Variants in PIP5K1C observed in about 807,000 individuals in gnomAD.
The protein encoded by PIP5K1C is phosphatidylinositol-4-phosphate 5-kinase type 1 gamma, also known as phosphatidylinositol 4-phosphate 5-kinase type-1 gamma.
PIP5K1C carries 45 observed loss-of-function variants against 80.1 expected under a neutral mutation model. The observed-to-expected ratio is 0.56, with a 90% CI of 0.44 to 0.72. The LOEUF is 0.72. PIP5K1C is among the 30% of genes least tolerant of loss of function. The pLI, the probability that PIP5K1C is intolerant of heterozygous loss-of-function variation, is 0.00. For synonymous variants in PIP5K1C, 498 were observed against 420.1 expected (o/e 1.19, Z -2.27); for missense variants, 753 against 954.6 (o/e 0.79, Z 2.78).
At chr19:3,684,968 A>C (rs1383274763) in intron 1 of PIP5K1C, among the ~76,000 whole-genome samples, 1 of 152,154 alleles carries the variant, frequency 6.6e-6, no homozygotes, top group African/African-American at 2.4e-5. Flanking sequence ...GGGTCTCTTA[A>C]TTTGCAACTT....
chr19:3,651,527 G>T (rs2034449098), intron 8 of PIP5K1C, among the ~76,000 whole-genome samples: 1 of 152,216 alleles, frequency 6.6e-6, no homozygotes, highest in African/African-American at 2.4e-5. Flanking sequence ...GTGCCACCGG[G>T]AAACGCTATC....
chr19:3,643,172 CAT>C (rs2034049842), intron 13 of PIP5K1C, 69 bp downstream of exon 13: 3 of 1,602,818 alleles, frequency 1.9e-6, no homozygotes, highest in Non-Finnish European at 2.5e-6. Flanking sequence ...GCCCCGCCCA[CAT>C]GCAGTGAATG....
intron 1 of PIP5K1C, among the ~76,000 whole-genome samples, chr19:3,693,698 C>T (rs529930079): frequency 1.2e-4 from 17 of 144,612 alleles, no homozygotes; most frequent in African/African-American, 4.3e-4. Context: ...GGTCGTGCAG[C>T]TTCCCAGGGG....
intron 10 of PIP5K1C, among the ~76,000 whole-genome samples, chr19:3,646,899 G>T (rs2034240655): frequency 6.6e-6 from 1 of 152,004 alleles, no homozygotes. Context: ...ACAGACAGGA[G>T]GACAGAGGGA....
chr19:3,649,983 C>A, intron 8 of PIP5K1C: 1 of 196,504 alleles, frequency 5.1e-6, no homozygotes, highest in Non-Finnish European at 1.0e-5. Flanking sequence ...ACGCCACAGG[C>A]TGGTACGCTC....
At chr19:3,659,546 C>A (rs67242721) in intron 5 of PIP5K1C, among the ~76,000 whole-genome samples, 15,783 of 152,260 alleles carry the variant, frequency 0.1, 1,249 homozygotes, top group African/African-American at 0.21. Context: ...ACGGTAGCGT[C>A]CAGGTCACCC....
Position 3,688,568 on chromosome 19 carries a change from C to T in PIP5K1C, c.94+11729G>A, listed in dbSNP as rs976684889. Among the ~76,000 whole-genome samples, 2 of 152,164 alleles carry T rather than the reference C, an allele frequency of 1.3e-5. No individual in the cohort carries two copies. Among genetic ancestry groups the T allele is most frequent in the African/African-American group, 4.8e-5 (2 of 41,434 alleles). On this transcript the variant is annotated intron_variant, in intron 1 of 17. Coordinates refer to ENST00000335312, the MANE Select transcript of PIP5K1C (RefSeq NM_012398.3). The surrounding 1 kb of genome is among the most constrained non-coding windows in gnomAD (Gnocchi z 5.3). ...TGGCCTTTCCCTGGTCCACTGAGAGCCGCGTGTGTTTTTTGCGGTTTTGCT... is the reference window on the plus strand; with the variant it reads ...TGGCCTTTCCCTGGTCCACTGAGAGTCGCGTGTGTTTTTTGCGGTTTTGCT...
intron 12 of PIP5K1C, among the ~76,000 whole-genome samples, chr19:3,643,778 C>G (rs979374777): frequency 5.9e-5 from 9 of 151,870 alleles, no homozygotes; most frequent in African/African-American, 1.7e-4. Flanking sequence ...GGCTATGTCC[C>G]TTCCTTCATT....
chr19:3,648,672 C>A lies in PIP5K1C; in HGVS notation c.1164G>T (p.Glu388Asp). ...TGATGCCAATGTGCAGCAGCAGCCGCTCCCCGCGGCCGTTCACAGCGGGGA... is the reference window on the plus strand; with the variant it reads ...TGATGCCAATGTGCAGCAGCAGCCGATCCCCGCGGCCGTTCACAGCGGGGA... The part of the protein sequence containing the change: ...GGIPAVNGRG[E>D]RLLLHIGIID... Residue 388 changes from glutamate (E) to aspartate (D), a missense_variant, in exon 9 of 18, where the codon GAG (glutamate) becomes GAT (aspartate). By Grantham distance (45) the Glu-to-Asp change is conservative. Coordinates refer to ENST00000335312, the MANE Select transcript of PIP5K1C (RefSeq NM_012398.3). The surrounding 1 kb of genome is among the most constrained non-coding windows in gnomAD (Gnocchi z 4.3). 6.2e-7 allele frequency: 1 copy of A among 1,613,068 alleles called. No individual in the cohort carries two copies. Among genetic ancestry groups the A allele is most frequent in the African/African-American group, 1.3e-5 (1 of 75,040 alleles).
At chr19:3,690,989 C>T (rs891849171) in intron 1 of PIP5K1C, among the ~76,000 whole-genome samples, 1 of 152,158 alleles carries the variant, frequency 6.6e-6, no homozygotes, top group Non-Finnish European at 1.5e-5. Flanking sequence ...CTCCATTTTC[C>T]AGCTCTTGAT....
At chr19:3,680,766 C>T (rs540263030) in intron 1 of PIP5K1C, among the ~76,000 whole-genome samples, 2 of 152,324 alleles carry the variant, frequency 1.3e-5, no homozygotes, top group East Asian at 1.9e-4. Context: ...GGAGATCAGG[C>T]GGAGGCCAGG....
At chr19:3,638,753 T>C (rs2033816444) in intron 16 of PIP5K1C, 131 bp downstream of exon 16, 2 of 1,177,312 alleles carry the variant, frequency 1.7e-6, no homozygotes, top group African/African-American at 1.5e-5. Flanking sequence ...TGAGAGAGCA[T>C]GTGGGTGGGT....
chr19:3,672,505 C>T (rs571852975), intron 1 of PIP5K1C: 2 of 152,416 alleles, frequency 1.3e-5, no homozygotes, highest in African/African-American at 4.8e-5. Flanking sequence ...CACAACAGGC[C>T]TCCGCCAGAG....
intron 12 of PIP5K1C, 93 bp from the exon 13 acceptor site, chr19:3,643,474 C>A: frequency 1.3e-6 from 2 of 1,512,626 alleles, no homozygotes; most frequent in South Asian, 1.2e-5. Flanking sequence ...CCTGGGAACC[C>A]ACAGCCCAGT....
chr19:3,683,454 C>T (rs191303638), intron 1 of PIP5K1C, among the ~76,000 whole-genome samples: 9 of 152,346 alleles, frequency 5.9e-5, no homozygotes, highest in East Asian at 5.8e-4. Flanking sequence ...TGGCCAGAGA[C>T]GAGCTAGCCC....
chr19:3,650,769 C>G (rs2034411298), intron 8 of PIP5K1C, among the ~76,000 whole-genome samples: 1 of 151,888 alleles, frequency 6.6e-6, no homozygotes, highest in East Asian at 1.9e-4. Context: ...CTTTTTTTTT[C>G]TTTTTGGACA....
At chr19:3,659,742 G>A (rs1185518371) in intron 5 of PIP5K1C, among the ~76,000 whole-genome samples, 2 of 152,276 alleles carry the variant, frequency 1.3e-5, no homozygotes, top group East Asian at 1.9e-4. Context: ...GGTGTCACAC[G>A]TACCCCTGGC....
rs980870035 is a variant in PIP5K1C at position 3,688,049 on chromosome 19, G to C, written c.94+12248C>G. Among the ~76,000 whole-genome samples, 4 of 152,206 alleles carry C rather than the reference G, an allele frequency of 2.6e-5. No homozygotes were observed. The East Asian group carries it at 7.7e-4, about 29-fold the overall frequency. On this transcript the variant is annotated intron_variant, in intron 1 of 17. Transcript: ENST00000335312. This position sits in a 1 kb window ranked among gnomAD's most constrained non-coding sequence, Gnocchi z 5.3. ...GCAGGTGGCGGGGCCGACGGGATGGGTCAGGGTGCACAGAGCACACGCCAG... is the reference window on the plus strand; with the variant it reads ...GCAGGTGGCGGGGCCGACGGGATGGCTCAGGGTGCACAGAGCACACGCCAG...
chr19:3,643,249 C>CGCGGCT lies in PIP5K1C; in HGVS notation c.1637_1642dup (p.Gln546_Pro547dup), dbSNP rs765473697. The CGCGGCT allele has an allele frequency of 1.9e-6, 3 of 1,613,508 alleles. No individual in the cohort carries two copies. Among genetic ancestry groups the CGCGGCT allele is most frequent in the Non-Finnish European group, 2.5e-6 (3 of 1,179,878 alleles). ...CTGCGGATGCCTCGCCCACCTGTAC[C>CGCGGCT]GCGGCTGCTCCGACGTCTCCGAGGG... is the stretch of plus-strand genomic sequence containing the variant. On this transcript the variant is annotated inframe_insertion, in exon 13 of 18. Transcript: ENST00000335312.
Sources: allele counts gnomAD v4.1 joint callset (sites outside exome capture counted in the v4.1 genomes callset), GRCh38; gene constraint gnomAD v4.1.1; non-coding constraint Gnocchi (gnomAD v3.1); transcripts MANE v1.5; gene names NCBI Gene and HGNC (gene_info 2026-07-23, HGNC 2026-07-21).